Variants in IFT52 observed in about 807,000 individuals in gnomAD.
IFT52 encodes intraflagellar transport protein 52 homolog.
In IFT52, 44 loss-of-function variants were observed where a neutral mutation model predicts 54.4. That is an observed-to-expected ratio of 0.81 (90% CI 0.63 to 1.04). The LOEUF (loss-of-function observed/expected upper bound fraction) is 1.04, where lower values mean the gene tolerates loss of function less well. Among genes scored for constraint, IFT52 ranks in the 50% least tolerant of loss-of-function variants. IFT52 has a pLI of 0.00. For missense variants in IFT52, 452 were observed against 523.6 expected, an observed-to-expected ratio of 0.86 and a Z score of 1.33; for synonymous variants, 181 against 185.3, an observed-to-expected ratio of 0.98 and a Z score of 0.19.
chr20:43,610,702 G>A (rs988765931), intron 6 of IFT52, among the ~76,000 whole-genome samples: 2 of 150,774 alleles, frequency 1.3e-5, no homozygotes, highest in Admixed American at 6.6e-5. Context: ...TCACGCCACC[G>A]CAATCTAGCC....
intron 13 of IFT52, among the ~76,000 whole-genome samples, chr20:43,643,164 C>CA (rs142320243): frequency 0.74 from 102,341 of 138,242 alleles, 37,662 homozygotes; most frequent in East Asian, 0.79. Context: ...GACTCTGTCT[C>CA]AAAAAAAAAC....
chr20:43,634,941 C>T lies in IFT52; in HGVS notation c.924-985C>T, dbSNP rs565883211. Among the ~76,000 whole-genome samples, 4 of 152,114 alleles carry T rather than the reference C, an allele frequency of 2.6e-5. No homozygotes were observed. In the South Asian group the frequency reaches 6.2e-4, roughly 24 times the overall value. On this transcript the variant is annotated intron_variant, in intron 10 of 13. Coordinates refer to ENST00000373030, the MANE Select transcript of IFT52 (RefSeq NM_016004.5). ...ATCTCAGCACTTTGGGAGACTGAGG[C>T]GGGTGGATCACGAGGTCAGGAGTTC... is the stretch of plus-strand genomic sequence containing the variant.
chr20:43,638,915 C>T (rs1298150337), intron 12 of IFT52, among the ~76,000 whole-genome samples: 1 of 152,142 alleles, frequency 6.6e-6, no homozygotes, highest in African/African-American at 2.4e-5. Context: ...AAAATGGAAA[C>T]AGTTCAGTGT....
At chr20:43,629,034 C>T (rs944999963) in intron 10 of IFT52, among the ~76,000 whole-genome samples, 1 of 152,066 alleles carries the variant, frequency 6.6e-6, no homozygotes, top group Admixed American at 6.6e-5. Flanking sequence ...TTCCTCCAAA[C>T]TTGTTTAGCT....
At chr20:43,639,772 G>T (rs1480185410) in intron 12 of IFT52, among the ~76,000 whole-genome samples, 1 of 151,862 alleles carries the variant, frequency 6.6e-6, no homozygotes, top group Non-Finnish European at 1.5e-5. Context: ...CCAAGAGTTG[G>T]AGGCTGCAGT....
chr20:43,604,002 G>T, intron 4 of IFT52, 113 bp downstream of exon 4: 1 of 948,830 alleles, frequency 1.1e-6, no homozygotes. Context: ...GTGTGTGCGT[G>T]TTTTAATGTT....
intron 10 of IFT52, among the ~76,000 whole-genome samples, chr20:43,633,691 G>A (rs2145662972): frequency 6.6e-6 from 1 of 152,136 alleles, no homozygotes; most frequent in African/African-American, 2.4e-5. Flanking sequence ...CTGGGCGACA[G>A]AGTGAGACTC....
At chr20:43,626,844 A>T (rs978792764) in intron 10 of IFT52, among the ~76,000 whole-genome samples, 7 of 152,084 alleles carry the variant, frequency 4.6e-5, no homozygotes, top group African/African-American at 1.7e-4. Context: ...GCCCTGGGGC[A>T]CCCCAGAGTT....
intron 3 of IFT52, among the ~76,000 whole-genome samples, chr20:43,603,109 A>C (rs1331341392): frequency 2.0e-5 from 3 of 152,058 alleles, no homozygotes; most frequent in African/African-American, 7.2e-5. Flanking sequence ...TGTCTGGACC[A>C]CCCACCCCAG....
chr20:43,642,472 G>A lies in IFT52; in HGVS notation c.1121-7G>A. The A allele has an allele frequency of 6.2e-7, 1 of 1,613,706 alleles. No homozygotes were observed. The highest frequency in any genetic ancestry group is 8.5e-7 in the Non-Finnish European group (1 of 1,179,680). On this transcript the variant is annotated splice_region_variant and splice_polypyrimidine_tract_variant and intron_variant, in intron 12 of 13. Coordinates refer to ENST00000373030, the MANE Select transcript of IFT52 (RefSeq NM_016004.5). ...AATTAATCTAACTACTACTCCAACT[G>A]TCTTAGGTACTGAAGAAGACCTGGA... is the stretch of plus-strand genomic sequence containing the variant.
chr20:43,620,174 C>CGGCTTG (rs1984183361), intron 8 of IFT52, among the ~76,000 whole-genome samples: 1 of 151,904 alleles, frequency 6.6e-6, no homozygotes, highest in African/African-American at 2.4e-5. Context: ...GCCTCAGCCT[C>CGGCTTG]CCAAAGTGCT....
At chr20:43,606,813 A>G (rs1982924118) in intron 6 of IFT52, among the ~76,000 whole-genome samples, 1 of 152,158 alleles carries the variant, frequency 6.6e-6, no homozygotes, top group Non-Finnish European at 1.5e-5. Context: ...GCCTTCAGGC[A>G]TCTGTTTGAC....
At position 43,647,155 on chromosome 20, in the gene IFT52, T is replaced by C; in HGVS notation, c.*172T>C. On this transcript the variant is annotated 3_prime_UTR_variant, in exon 14 of 14. Transcript: ENST00000373030. The stretch of plus-strand genomic sequence containing the variant: ...GATAGGTATAAGATTTTTCACAAAA[T>C]CCTTATGTAAGATACATTCCATTTT... The C allele has an allele frequency of 1.6e-6, 1 of 606,696 alleles. No homozygotes were observed. The highest frequency in any genetic ancestry group is 2.9e-6 in the Non-Finnish European group (1 of 343,270). 37.6% of individuals were successfully genotyped at this position (606,696 alleles called of 1,614,324 possible). A position where few individuals can be genotyped will look rare whatever the true frequency, so the allele number is the denominator to read the frequency against.
Position 43,637,137 on chromosome 20 carries a change from C to A in IFT52, c.1012-8C>A. The A allele has an allele frequency of 6.4e-7, 1 of 1,566,076 alleles. No homozygotes were observed. The highest frequency in any genetic ancestry group is 8.8e-7 in the Non-Finnish European group (1 of 1,137,030). ...TCATTTCTAAATAATGACTTTATTT[C>A]CTTTTAGGTTTTTCCTCCCAGTTTC... On this transcript the variant is annotated splice_polypyrimidine_tract_variant and splice_region_variant and intron_variant, in intron 11 of 13. Coordinates refer to ENST00000373030, the MANE Select transcript of IFT52 (RefSeq NM_016004.5).
At chr20:43,631,988 C>T (rs1216226404) in intron 10 of IFT52, among the ~76,000 whole-genome samples, 27 of 151,278 alleles carry the variant, frequency 1.8e-4, no homozygotes, top group Admixed American at 1.7e-3. Flanking sequence ...TGCAACGGCA[C>T]GATCTCCGCT....
intron 12 of IFT52, among the ~76,000 whole-genome samples, chr20:43,638,929 C>T (rs1443050678): frequency 3.9e-5 from 6 of 152,100 alleles, no homozygotes; most frequent in African/African-American, 9.7e-5. Context: ...TCAGTGTAAA[C>T]GAAGACCTTT....
At chr20:43,632,540 C>A (rs1985245790) in intron 10 of IFT52, among the ~76,000 whole-genome samples, 1 of 152,176 alleles carries the variant, frequency 6.6e-6, no homozygotes, top group African/African-American at 2.4e-5. Context: ...GGATTACAGG[C>A]ATGAGCCCCT....
At chr20:43,595,474 A>G (rs1050609859) in intron 2 of IFT52, among the ~76,000 whole-genome samples, 13 of 151,432 alleles carry the variant, frequency 8.6e-5, no homozygotes, top group South Asian at 4.2e-4. Flanking sequence ...GCTTAAATCC[A>G]GGAGGCGGAG....
rs1985977251 is a variant in IFT52 at position 43,642,462 on chromosome 20, T to C, written c.1121-17T>C. On this transcript the variant is annotated splice_polypyrimidine_tract_variant and intron_variant, in intron 12 of 13. Coordinates refer to ENST00000373030, the MANE Select transcript of IFT52 (RefSeq NM_016004.5). ...AGAAGTTAAGAATTAATCTAACTACTACTCCAACTGTCTTAGGTACTGAAG... is the reference window on the plus strand; with the variant it reads ...AGAAGTTAAGAATTAATCTAACTACCACTCCAACTGTCTTAGGTACTGAAG... 1 of 1,612,536 alleles carries C rather than the reference T, an allele frequency of 6.2e-7. No homozygotes were observed.
Sources: allele counts gnomAD v4.1 joint callset (sites outside exome capture counted in the v4.1 genomes callset), GRCh38; gene constraint gnomAD v4.1.1; transcripts MANE v1.5; gene names NCBI Gene and HGNC (gene_info 2026-07-23, HGNC 2026-07-21).